Variants in NEK1 observed in about 807,000 individuals in gnomAD.
NEK1 encodes NIMA related kinase 1, also known as serine/threonine-protein kinase Nek1.
Under a neutral mutation model 182.1 loss-of-function variants are expected in NEK1, and 137 were observed. That is an observed-to-expected ratio of 0.75 (90% CI 0.65 to 0.87). The LOEUF (loss-of-function observed/expected upper bound fraction) is 0.87, where lower values mean the gene tolerates loss of function less well. Among genes scored for constraint, NEK1 ranks in the 40% least tolerant of loss-of-function variants. The pLI is 0.00. For missense variants in NEK1, 1,391 were observed against 1,494.4 expected, an observed-to-expected ratio of 0.93 and a Z score of 1.14; for synonymous variants, 513 against 492.2, an observed-to-expected ratio of 1.04 and a Z score of -0.56.
chr4:169,590,315 AATAG>A (rs781112451), intron 6 of NEK1, among the ~76,000 whole-genome samples: 19 of 132,014 alleles, frequency 1.4e-4, no homozygotes, highest in Admixed American at 5.7e-4. Flanking sequence ...TCTCAAAAAC[AATAG>A]ATAGACAGAC....
At chr4:169,481,048 C>T (rs867859976) in intron 23 of NEK1, among the ~76,000 whole-genome samples, 6 of 152,194 alleles carry the variant, frequency 3.9e-5, no homozygotes, top group African/African-American at 1.4e-4. Flanking sequence ...GCTTCACCTT[C>T]GTAGACTCCA....
At chr4:169,580,494 C>CAAAAAAAAAAAAAAAAAAAAAAAA (rs11348370) in intron 11 of NEK1, among the ~76,000 whole-genome samples, 1 of 65,844 alleles carries the variant, frequency 1.5e-5, no homozygotes, top group Non-Finnish European at 3.0e-5. Flanking sequence ...AACTTCATCT[C>CAAAAAAAAAAAAAAAAAAAAAAAA]AAAAAAAAAA....
intron 18 of NEK1, among the ~76,000 whole-genome samples, chr4:169,549,220 C>A (rs1449223175): frequency 1.3e-5 from 2 of 152,154 alleles, no homozygotes; most frequent in East Asian, 3.9e-4. Flanking sequence ...AGGGAGTTCT[C>A]CAAACCCTGG....
Position 169,469,852 on chromosome 4 carries a change from G to A in NEK1, c.2435-6457C>T, listed in dbSNP as rs374474089. 4.6e-5 allele frequency among the ~76,000 whole-genome samples: 7 copies of A among 151,818 alleles called. No homozygotes were observed. The East Asian group carries it at 7.7e-4, about 17-fold the overall frequency. ...GATAGTTAGAGCTTCTCGTTGCATT[G>A]ATCCCTTTACCATTATGTAATGCCA... On this transcript the variant is annotated intron_variant, in intron 26 of 35. Transcript: ENST00000507142.
At chr4:169,481,448 T>C (rs528591459) in intron 23 of NEK1, among the ~76,000 whole-genome samples, 1 of 152,308 alleles carries the variant, frequency 6.6e-6, no homozygotes, top group South Asian at 2.1e-4. Flanking sequence ...GACCTGAAAG[T>C]CAAAATGACT....
At chr4:169,611,848 T>C (rs868640179) in intron 2 of NEK1, among the ~76,000 whole-genome samples, 172 bp downstream of exon 2, 4 of 152,246 alleles carry the variant, frequency 2.6e-5, no homozygotes, top group Admixed American at 6.5e-5. Context: ...AAGAATCGCT[T>C]TGTTAATACA....
intron 34 of NEK1, 71 bp downstream of exon 34, chr4:169,400,450 A>G: frequency 6.7e-7 from 1 of 1,490,104 alleles, no homozygotes; most frequent in Non-Finnish European, 9.0e-7. Flanking sequence ...AATGACCAAT[A>G]CAGATTATCA....
intron 31 of NEK1, among the ~76,000 whole-genome samples, chr4:169,420,483 C>T (rs570880024): frequency 1.2e-4 from 19 of 152,248 alleles, no homozygotes; most frequent in African/African-American, 4.3e-4. Flanking sequence ...GGTTTGTTTA[C>T]ATCAGCATCA....
At chr4:169,451,674 A>G (rs188376646) in intron 27 of NEK1, among the ~76,000 whole-genome samples, 119 of 152,358 alleles carry the variant, frequency 7.8e-4, no homozygotes, top group African/African-American at 2.8e-3. Flanking sequence ...AATGCCCACA[A>G]GAGAAAGCAG....
At chr4:169,456,480 G>A (rs1742908047) in intron 27 of NEK1, among the ~76,000 whole-genome samples, 1 of 152,046 alleles carries the variant, frequency 6.6e-6, no homozygotes, top group African/African-American at 2.4e-5. Context: ...CTAAGAAAAA[G>A]AGAGAAGACC....
At chr4:169,584,291 T>C (rs1005877837) in intron 10 of NEK1, among the ~76,000 whole-genome samples, 3 of 152,086 alleles carry the variant, frequency 2.0e-5, no homozygotes, top group Non-Finnish European at 4.4e-5. Context: ...AAAAAGAATA[T>C]AACTATAATA....
At chr4:169,453,326 T>C (rs1742201970) in intron 27 of NEK1, among the ~76,000 whole-genome samples, 1 of 152,174 alleles carries the variant, frequency 6.6e-6, no homozygotes, top group Non-Finnish European at 1.5e-5. Flanking sequence ...AAAGTTCATA[T>C]GGAACCAAAA....
At chr4:169,583,395 T>C (rs146042404) in intron 10 of NEK1, among the ~76,000 whole-genome samples, 177 of 152,286 alleles carry the variant, frequency 1.2e-3, no homozygotes, top group African/African-American at 3.6e-3. Context: ...AAAATAAATC[T>C]GAGAAACAGC....
chr4:169,437,310 T>C (rs575964116), intron 28 of NEK1, among the ~76,000 whole-genome samples: 1 of 152,270 alleles, frequency 6.6e-6, no homozygotes, highest in African/African-American at 2.4e-5. Context: ...ACGGCCTGAC[T>C]TTGTTATCAT....
chr4:169,602,037 T>C lies in NEK1; in HGVS notation c.185A>G (p.Asn62Ser), dbSNP rs778644805. 1 of 1,613,100 alleles carries C rather than the reference T, an allele frequency of 6.2e-7. No individual in the cohort carries two copies. The highest frequency in any genetic ancestry group is 1.1e-5 in the South Asian group (1 of 91,064). Residue 62 changes from asparagine to serine, a missense_variant, in exon 4 of 36, where the codon AAT becomes AGT. Around this residue, in one of 5 missense-constraint regions of NEK1, gnomAD observed 116 missense variants for 114.5 expected, o/e 1.01. Transcript: ENST00000507142. Reference sequence around the variant, plus strand: ...AAATGATTCTCTATACTGGACAATATTTGGATGCTTCATGTTTGCCAATAC... The same window carrying C: ...AAATGATTCTCTATACTGGACAATACTTGGATGCTTCATGTTTGCCAATAC... ...VAVLANMKHP[N>S]IVQYRESFEE...
At position 169,568,800 on chromosome 4, in the gene NEK1, G is replaced by T. The variant is rs1212252524; in HGVS notation, c.1021-6604C>A. Among the ~76,000 whole-genome samples the T allele has an allele frequency of 2.6e-5, 4 of 152,114 alleles. No individual in the cohort carries two copies. In the East Asian group the frequency reaches 5.8e-4, roughly 22 times the overall value. ...AAATACAAAAAAATTAGCCGGGCAT[G>T]GTGGCACATGCCTGTAATCCCAGCT... On this transcript the variant is annotated intron_variant, in intron 12 of 35. Transcript: ENST00000507142.
intron 19 of NEK1, among the ~76,000 whole-genome samples, chr4:169,528,694 T>C (rs1235441301): frequency 1.3e-5 from 2 of 152,206 alleles, no homozygotes; most frequent in East Asian, 1.9e-4. Context: ...ACAATTATAT[T>C]TGAAGACTTC....
intron 23 of NEK1, 180 bp downstream of exon 23, chr4:169,506,857 A>C (rs1753346639): frequency 2.9e-6 from 1 of 350,180 alleles, no homozygotes; most frequent in Admixed American, 4.6e-5. Flanking sequence ...ATTATTCTTA[A>C]ATGCGAGAGA....
chr4:169,595,922 CAAAAAAAAAAA>C (rs56313001), intron 5 of NEK1, among the ~76,000 whole-genome samples: 29 of 67,198 alleles, frequency 4.3e-4, no homozygotes, highest in African/African-American at 1.5e-3. Context: ...GACTCCACCT[CAAAAAAAAAAA>C]AAAAAAAAAA....
Sources: allele counts gnomAD v4.1 joint callset (sites outside exome capture counted in the v4.1 genomes callset), GRCh38; gene constraint gnomAD v4.1.1; regional missense constraint gnomAD v4.1.1; transcripts MANE v1.5; gene names NCBI Gene and HGNC (gene_info 2026-07-23, HGNC 2026-07-21).